Variants in HECTD2 observed in about 807,000 individuals in gnomAD.
HECTD2 encodes probable E3 ubiquitin-protein ligase HECTD2.
In HECTD2, 35 loss-of-function variants were observed where a neutral mutation model predicts 103.2. The observed-to-expected ratio is 0.34, with a 90% CI of 0.26 to 0.45. HECTD2 has a LOEUF of 0.45. HECTD2 is among the 20% of genes least tolerant of loss of function. The probability of loss-of-function intolerance (pLI) is 1.00; values close to 1 mark genes in which losing one functional copy is unlikely to be tolerated. For synonymous variants in HECTD2, 281 were observed against 329.9 expected (o/e 0.85, Z 1.61); for missense variants, 596 against 937.4 (o/e 0.64, Z 4.76).
chr10:91,469,813 G>C (rs1263368983), intron 5 of HECTD2, among the ~76,000 whole-genome samples: 1 of 152,196 alleles, frequency 6.6e-6, no homozygotes, highest in Non-Finnish European at 1.5e-5. Flanking sequence ...ACTATATGCT[G>C]TCTTCAAGAG....
chr10:91,490,890 CA>C (rs61035151), intron 11 of HECTD2, among the ~76,000 whole-genome samples: 1,650 of 13,518 alleles, frequency 0.12, 2 homozygotes, highest in Non-Finnish European at 0.18. Flanking sequence ...GACTCCGTCT[CA>C]AAAAAAAAAA....
chr10:91,507,995 A>C (rs2133382755), intron 20 of HECTD2, among the ~76,000 whole-genome samples: 1 of 136,208 alleles, frequency 7.3e-6, no homozygotes, highest in East Asian at 2.0e-4. Flanking sequence ...GATCTTTGAC[A>C]AACCTGAGAA....
At chr10:91,505,717 G>C (rs1193436167) in intron 20 of HECTD2, among the ~76,000 whole-genome samples, 1 of 151,638 alleles carries the variant, frequency 6.6e-6, no homozygotes, top group African/African-American at 2.4e-5. Context: ...AGATCAACGA[G>C]ACAGAAAGTC....
intron 14 of HECTD2, 139 bp from the exon 15 acceptor site, chr10:91,496,075 G>A (rs1846652178): frequency 4.0e-6 from 2 of 497,524 alleles, no homozygotes; most frequent in South Asian, 4.3e-5. Flanking sequence ...AATGAAAGAG[G>A]GGAAAGGAAA....
intron 1 of HECTD2, among the ~76,000 whole-genome samples, chr10:91,417,345 A>G (rs1178305289): frequency 6.6e-6 from 1 of 151,774 alleles, no homozygotes; most frequent in Non-Finnish European, 1.5e-5. Context: ...TTTTTGCTTT[A>G]GAGACTGCAT....
At chr10:91,421,090 G>A (rs933949924) in intron 1 of HECTD2, among the ~76,000 whole-genome samples, 1 of 151,866 alleles carries the variant, frequency 6.6e-6, no homozygotes, top group Admixed American at 6.6e-5. Context: ...CTTGCTCATT[G>A]CTTTCATTTT....
chr10:91,451,050 T>A (rs1197643861), intron 2 of HECTD2, among the ~76,000 whole-genome samples: 1 of 152,180 alleles, frequency 6.6e-6, no homozygotes, highest in Non-Finnish European at 1.5e-5. Context: ...TAAATCATTC[T>A]GCTATAAAGA....
chr10:91,457,571 A>G (rs1348623541), intron 2 of HECTD2, among the ~76,000 whole-genome samples: 2 of 152,096 alleles, frequency 1.3e-5, no homozygotes, highest in Non-Finnish European at 2.9e-5. Context: ...ATGCAGTAAA[A>G]TAATTTGACA....
At chr10:91,436,296 A>G (rs1844114265) in intron 2 of HECTD2, among the ~76,000 whole-genome samples, 1 of 151,988 alleles carries the variant, frequency 6.6e-6, no homozygotes, top group Non-Finnish European at 1.5e-5. Context: ...AAGCTTTATT[A>G]TGAGGCGATT....
chr10:91,459,498 T>A (rs1845252670), intron 2 of HECTD2, among the ~76,000 whole-genome samples: 1 of 152,020 alleles, frequency 6.6e-6, no homozygotes, highest in Admixed American at 6.6e-5. Context: ...GCAATAAAAA[T>A]GAACTATCTG....
chr10:91,495,294 G>C (rs1426551821), intron 14 of HECTD2, among the ~76,000 whole-genome samples: 2 of 151,850 alleles, frequency 1.3e-5, no homozygotes, highest in African/African-American at 2.4e-5. Flanking sequence ...TAAAATTTCA[G>C]GACCAAAGAT....
chr10:91,423,281 T>A (rs1020361745), intron 1 of HECTD2, among the ~76,000 whole-genome samples: 5 of 152,150 alleles, frequency 3.3e-5, no homozygotes, highest in Non-Finnish European at 7.4e-5. Flanking sequence ...TCTGTGAACA[T>A]GGGCATGGAA....
At chr10:91,453,782 TA>T (rs1554873295) in intron 2 of HECTD2, among the ~76,000 whole-genome samples, 1 of 152,130 alleles carries the variant, frequency 6.6e-6, no homozygotes, top group Non-Finnish European at 1.5e-5. Flanking sequence ...GTTTTCTATT[TA>T]TAAGAAATTT....
chr10:91,461,855 A>G (rs1030499527), intron 4 of HECTD2, among the ~76,000 whole-genome samples: 1 of 152,070 alleles, frequency 6.6e-6, no homozygotes, highest in African/African-American at 2.4e-5. Flanking sequence ...CAGCCCTTAA[A>G]TGTTGTTTTT....
intron 9 of HECTD2, among the ~76,000 whole-genome samples, chr10:91,484,865 G>A (rs1846212476): frequency 6.6e-6 from 1 of 151,864 alleles, no homozygotes; most frequent in Non-Finnish European, 1.5e-5. Flanking sequence ...ACAGTGTTCT[G>A]TATTATGGCA....
intron 16 of HECTD2, 117 bp from the exon 17 acceptor site, chr10:91,498,755 G>C: frequency 1.6e-6 from 1 of 620,304 alleles, no homozygotes; most frequent in Non-Finnish European, 2.9e-6. Context: ...GCCTTTTATA[G>C]TTTATGTGTT....
At chr10:91,421,619 G>A (rs1460450357) in intron 1 of HECTD2, among the ~76,000 whole-genome samples, 6 of 152,290 alleles carry the variant, frequency 3.9e-5, no homozygotes, top group East Asian at 1.9e-4. Flanking sequence ...GGACAAGCTC[G>A]TTATAGGTTT....
In HECTD2 at chr10:91,426,806, C is replaced by T. The variant is rs544596429; in HGVS notation, c.268+1396C>T. 6.6e-5 allele frequency among the ~76,000 whole-genome samples: 10 copies of T among 151,910 alleles called. No homozygotes were observed. The South Asian group carries it at 2.1e-3, about 32-fold the overall frequency. On this transcript the variant is annotated intron_variant, in intron 2 of 20. Coordinates refer to ENST00000298068, the MANE Select transcript of HECTD2 (RefSeq NM_182765.6). The stretch of plus-strand genomic sequence containing the variant: ...AATGTGTGCTTCCTTCTCATCTGTG[C>T]CAGTCTTGTGGAATCTGGACTTAAC...
intron 20 of HECTD2, among the ~76,000 whole-genome samples, chr10:91,507,517 C>A (rs1334529147): frequency 6.6e-6 from 1 of 152,186 alleles, no homozygotes; most frequent in Non-Finnish European, 1.5e-5. Context: ...AACTCCCATT[C>A]ACAACTGCTT....
Sources: gnomAD v4.1 joint callset for allele counts (sites outside exome capture counted in the v4.1 genomes callset) on GRCh38, gnomAD v4.1.1 for gene constraint, MANE v1.5 for transcripts, NCBI Gene and HGNC (gene_info 2026-07-23, HGNC 2026-07-21) for gene names.